Variants in NXPH1 observed in about 807,000 individuals in gnomAD.
The protein encoded by NXPH1 is neurexophilin 1, also known as neurexophilin-1.
In NXPH1, 5 loss-of-function variants were observed where a neutral mutation model predicts 23.7. The ratio of observed to expected loss-of-function variants is 0.21; its 90% CI spans 0.11 to 0.44. The LOEUF is 0.44. NXPH1 is among the 20% of genes least tolerant of loss of function. The pLI is 0.99. For synonymous variants in NXPH1, 144 were observed against 122.2 expected, an observed-to-expected ratio of 1.18 and a Z score of -1.18; for missense variants, 324 against 321.6, an observed-to-expected ratio of 1.01 and a Z score of -0.06.
chr7:8,546,938 G>A (rs761372055), intron 2 of NXPH1, among the ~76,000 whole-genome samples: 1 of 151,352 alleles, frequency 6.6e-6, no homozygotes, highest in Admixed American at 6.6e-5. Context: ...CAAGTTGTAG[G>A]GAATTTTCAT....
At position 8,489,498 on chromosome 7, in the gene NXPH1, G is replaced by A. The variant is rs1393023819; in HGVS notation, c.54+53731G>A. On this transcript the variant is annotated intron_variant, in intron 2 of 2. Transcript: ENST00000405863. ...CACATTTAGTGTCACCAACTCCACT[G>A]AAGTCTGACTGGGGCTAATGGTTGA... Among the ~76,000 whole-genome samples, 5 of 152,094 alleles carry A rather than the reference G, an allele frequency of 3.3e-5. No individual in the cohort carries two copies. In the South Asian group the frequency reaches 1.0e-3, roughly 31 times the overall value.
chr7:8,698,457 C>A (rs896267653), intron 2 of NXPH1, among the ~76,000 whole-genome samples: 5 of 152,106 alleles, frequency 3.3e-5, no homozygotes, highest in Non-Finnish European at 7.4e-5. Flanking sequence ...TTGGTGTGGC[C>A]AATATCTCAT....
chr7:8,666,900 T>G (rs1342914214), intron 2 of NXPH1, among the ~76,000 whole-genome samples: 1 of 152,018 alleles, frequency 6.6e-6, no homozygotes, highest in Non-Finnish European at 1.5e-5. Context: ...TAATTTTGAT[T>G]CTTTTTTTAA....
chr7:8,556,558 A>G (rs1425240129), intron 2 of NXPH1, among the ~76,000 whole-genome samples: 1 of 151,766 alleles, frequency 6.6e-6, no homozygotes, highest in African/African-American at 2.4e-5. Flanking sequence ...GCAGGCAGAA[A>G]GTAAAAACTA....
chr7:8,535,084 C>G (rs1190397118), intron 2 of NXPH1, among the ~76,000 whole-genome samples: 1 of 152,026 alleles, frequency 6.6e-6, no homozygotes, highest in Non-Finnish European at 1.5e-5. Context: ...AGGTGATTGA[C>G]TACTATCTTT....
chr7:8,730,090 T>C (rs2115215364), intron 2 of NXPH1, among the ~76,000 whole-genome samples: 1 of 152,170 alleles, frequency 6.6e-6, no homozygotes, highest in South Asian at 2.1e-4. Context: ...TTTACCATTA[T>C]GTAATGGCCT....
chr7:8,689,830 T>A (rs902846244), intron 2 of NXPH1, among the ~76,000 whole-genome samples: 5 of 152,178 alleles, frequency 3.3e-5, no homozygotes, highest in Non-Finnish European at 7.4e-5. Flanking sequence ...TAGTGACTGC[T>A]ACTTAGCATA....
chr7:8,676,133 G>C (rs1187604677), intron 2 of NXPH1, among the ~76,000 whole-genome samples: 1 of 152,182 alleles, frequency 6.6e-6, no homozygotes, highest in African/African-American at 2.4e-5. Context: ...TTTCAATGCA[G>C]TTGCTGCTGT....
chr7:8,448,768 TTG>T (rs1231548936), intron 2 of NXPH1, among the ~76,000 whole-genome samples: 2 of 143,436 alleles, frequency 1.4e-5, no homozygotes, highest in Non-Finnish European at 3.0e-5. Flanking sequence ...TGAGCTGAGA[TTG>T]TGCCACTGCA....
At chr7:8,689,258 T>G (rs192011395) in intron 2 of NXPH1, among the ~76,000 whole-genome samples, 373 of 152,206 alleles carry the variant, frequency 2.5e-3, no homozygotes, top group African/African-American at 8.4e-3. Flanking sequence ...GAGCCTAGTC[T>G]TTTACACAAG....
At chr7:8,656,021 T>G (rs1269172125) in intron 2 of NXPH1, among the ~76,000 whole-genome samples, 3 of 152,214 alleles carry the variant, frequency 2.0e-5, no homozygotes, top group Non-Finnish European at 4.4e-5. Flanking sequence ...CATTTAATAT[T>G]GCATCTCTAG....
chr7:8,732,124 C>A (rs1780167486), intron 2 of NXPH1, among the ~76,000 whole-genome samples: 1 of 152,236 alleles, frequency 6.6e-6, no homozygotes, highest in South Asian at 2.1e-4. Flanking sequence ...TCTGTCACCC[C>A]TTTCTTTGAC....
intron 2 of NXPH1, among the ~76,000 whole-genome samples, chr7:8,465,312 A>G (rs1816767530): frequency 6.6e-6 from 1 of 152,172 alleles, no homozygotes; most frequent in Admixed American, 6.5e-5. Flanking sequence ...GATCTATATA[A>G]AGAATTTAGA....
intron 2 of NXPH1, among the ~76,000 whole-genome samples, chr7:8,696,891 C>A (rs1779532670): frequency 2.0e-5 from 3 of 147,776 alleles, no homozygotes; most frequent in Admixed American, 1.4e-4. Flanking sequence ...TGCCTATTAT[C>A]CCAGCACTTT....
At chr7:8,749,766 C>G (rs1182442323) in intron 2 of NXPH1, among the ~76,000 whole-genome samples, 1 of 152,148 alleles carries the variant, frequency 6.6e-6, no homozygotes, top group African/African-American at 2.4e-5. Context: ...AACAGCCTTA[C>G]CTTAAAACAG....
intron 2 of NXPH1, among the ~76,000 whole-genome samples, chr7:8,437,841 G>A (rs1816222646): frequency 6.6e-6 from 1 of 152,162 alleles, no homozygotes; most frequent in East Asian, 1.9e-4. Context: ...ATGCCTTTTG[G>A]CAATACAGAG....
intron 2 of NXPH1, among the ~76,000 whole-genome samples, chr7:8,492,932 A>T (rs1817274843): frequency 6.6e-6 from 1 of 151,996 alleles, no homozygotes; most frequent in Admixed American, 6.6e-5. Flanking sequence ...CAGAAAGAAA[A>T]AGAAGGAAAG....
intron 2 of NXPH1, among the ~76,000 whole-genome samples, chr7:8,700,537 G>C (rs929475980): frequency 1.3e-5 from 2 of 152,118 alleles, no homozygotes; most frequent in African/African-American, 4.8e-5. Context: ...GTCTGGGTTT[G>C]ATAATATAAA....
chr7:8,659,303 G>C (rs1475608459), intron 2 of NXPH1, among the ~76,000 whole-genome samples: 3 of 152,068 alleles, frequency 2.0e-5, no homozygotes, highest in Non-Finnish European at 4.4e-5. Flanking sequence ...CAGTATTTAG[G>C]GATATTGTTT....
Sources: gnomAD v4.1 joint callset for allele counts (sites outside exome capture counted in the v4.1 genomes callset) on GRCh38, gnomAD v4.1.1 for gene constraint, MANE v1.5 for transcripts, NCBI Gene and HGNC (gene_info 2026-07-23, HGNC 2026-07-21) for gene names.